Variants in CELF5 observed in about 807,000 individuals in gnomAD.
CELF5 encodes the protein CUGBP Elav-like family member 5.
In CELF5, 6 loss-of-function variants were observed where a neutral mutation model predicts 54.9. The observed-to-expected ratio is 0.11, with a 90% CI of 0.06 to 0.22. The LOEUF is 0.22. Ranked by LOEUF, CELF5 falls within the 10% of genes least tolerant of loss-of-function variation. The pLI, the probability that CELF5 is intolerant of heterozygous loss-of-function variation, is 1.00. For synonymous variants in CELF5, 271 were observed against 290.9 expected, an observed-to-expected ratio of 0.93 and a Z score of 0.70; for missense variants, 401 against 678.6, an observed-to-expected ratio of 0.59 and a Z score of 4.54.
intron 11 of CELF5, 27 bp from the exon 12 acceptor site, chr19:3,293,292 C>T: frequency 6.2e-7 from 1 of 1,613,428 alleles, no homozygotes. Context: ...CAGCGCCAAC[C>T]ACGGAGGTCC....
intron 10 of CELF5, among the ~76,000 whole-genome samples, chr19:3,287,908 G>A (rs1374719641): frequency 1.3e-5 from 2 of 152,218 alleles, no homozygotes; most frequent in East Asian, 3.8e-4. Context: ...CTTGGCCTTG[G>A]AGAAGACCTA....
chr19:3,237,806 T>C (rs553143265), intron 1 of CELF5, among the ~76,000 whole-genome samples: 1 of 152,144 alleles, frequency 6.6e-6, no homozygotes. Flanking sequence ...TCCCAGCACT[T>C]TGGGAGGCCG....
At chr19:3,225,991 G>T (rs1220496436) in intron 1 of CELF5, among the ~76,000 whole-genome samples, 5 of 152,164 alleles carry the variant, frequency 3.3e-5, no homozygotes, top group Non-Finnish European at 5.9e-5. Flanking sequence ...CCGGGTGGGG[G>T]TGTCCGGCAA....
intron 12 of CELF5, chr19:3,294,434 C>T (rs1398585729): frequency 6.6e-6 from 1 of 151,528 alleles, no homozygotes; most frequent in Non-Finnish European, 1.5e-5. Context: ...ATCACCATCG[C>T]TGTCGTCATC....
At chr19:3,272,362 C>T (rs530150962) in intron 2 of CELF5, among the ~76,000 whole-genome samples, 2 of 149,192 alleles carry the variant, frequency 1.3e-5, no homozygotes, top group African/African-American at 2.5e-5. Context: ...AGTGAGAGTC[C>T]GTCCCAAGAA....
rs751027249 is a variant in CELF5 at position 3,281,251 on chromosome 19, C to T, written c.656C>T (p.Thr219Met). 5.6e-6 allele frequency: 9 copies of T among 1,610,862 alleles called. No individual in the cohort carries two copies. The highest frequency in any genetic ancestry group is 3.3e-5 in the Admixed American group (2 of 59,990). ...TTCGCCGACACGGACAAGGAGCGGA[C>T]GCTCCGGCGCATGCAGCAGATGGTG... ...VKFADTDKER[T>M]LRRMQQMVGQ... The change falls in exon 6 of 13, where the codon ACG becomes ATG. Residue 219 changes from threonine (T) to methionine (M), a missense_variant. This residue lies in a region of CELF5 where 87 missense variants were observed against 190.2 expected (regional missense o/e 0.46). Transcript: ENST00000292672. The surrounding 1 kb of genome is among the most constrained non-coding windows in gnomAD (Gnocchi z 6.5).
chr19:3,226,465 CACACACACACAA>C (rs918735189), intron 1 of CELF5, among the ~76,000 whole-genome samples: 3 of 151,762 alleles, frequency 2.0e-5, no homozygotes, highest in African/African-American at 7.3e-5. Context: ...CACACACACA[CACACACACACAA>C]AATTGGGCCT....
chr19:3,258,886 C>T (rs1281228195), intron 2 of CELF5, among the ~76,000 whole-genome samples: 7 of 152,174 alleles, frequency 4.6e-5, no homozygotes, highest in Admixed American at 3.9e-4. Context: ...GCTGAGATTA[C>T]AGACGTGAGC....
rs1325066912 is a variant in CELF5, at chr19:3,296,975, C to T, written c.*258C>T. On this transcript the variant is annotated 3_prime_UTR_variant, in exon 13 of 13. Transcript: ENST00000292672. Reference sequence around the variant, plus strand: ...GTTACGTGTTTCAGGTGAGAAGCAGCAAAGCGTCTTAATGTTCAAAACGCC... The same window carrying T: ...GTTACGTGTTTCAGGTGAGAAGCAGTAAAGCGTCTTAATGTTCAAAACGCC... 1 of 100,680 alleles carries T rather than the reference C, an allele frequency of 9.9e-6. No individual in the cohort carries two copies. Among genetic ancestry groups the T allele is most frequent in the Non-Finnish European group, 1.8e-5 (1 of 54,238 alleles). The allele number at this position is 100,680 out of a possible 1,614,324, so 6.2% of individuals were successfully genotyped here.
intron 2 of CELF5, among the ~76,000 whole-genome samples, chr19:3,267,887 C>T (rs2079904994): frequency 6.6e-6 from 1 of 152,136 alleles, no homozygotes; most frequent in Non-Finnish European, 1.5e-5. Context: ...AGAGTGAAAC[C>T]AAACCTGAGA....
intron 4 of CELF5, among the ~76,000 whole-genome samples, chr19:3,277,345 C>A (rs918375628): frequency 2.6e-5 from 4 of 152,036 alleles, no homozygotes; most frequent in South Asian, 4.2e-4. Context: ...TGGTGGCAGG[C>A]GCCTGTAATC....
Position 3,228,602 on chromosome 19 carries a change from G to C in CELF5, c.259+3604G>C, listed in dbSNP as rs1056753598. ...TGTCTTAAAGCGGAGGTTGCGCTGG[G>C]GGACGGTGCAGGTGGGGGGGGGGCC... is the stretch of plus-strand genomic sequence containing the variant. On this transcript the variant is annotated intron_variant, in intron 1 of 12. Transcript: ENST00000292672. This position sits in a 1 kb window ranked among gnomAD's most constrained non-coding sequence, Gnocchi z 6.0. Among the ~76,000 whole-genome samples the C allele has an allele frequency of 2.6e-5, 4 of 152,080 alleles. No homozygotes were observed. Among genetic ancestry groups the C allele is most frequent in the African/African-American group, 9.7e-5 (4 of 41,400 alleles).
intron 2 of CELF5, among the ~76,000 whole-genome samples, chr19:3,270,070 C>A (rs2079935950): frequency 6.6e-6 from 1 of 152,068 alleles, no homozygotes; most frequent in Non-Finnish European, 1.5e-5. Context: ...GTGAATTTTC[C>A]ATCTTCAGTG....
At chr19:3,230,137 T>C (rs312066) in intron 1 of CELF5, among the ~76,000 whole-genome samples, 35,310 of 151,942 alleles carry the variant, frequency 0.23, 4,180 homozygotes, top group South Asian at 0.28. Flanking sequence ...CTTGAAAACC[T>C]TCTGTGGCCT....
chr19:3,251,101 C>G (rs771809749), intron 2 of CELF5, 34 bp downstream of exon 2: 19 of 1,538,342 alleles, frequency 1.2e-5, no homozygotes, highest in Non-Finnish European at 1.7e-5. Flanking sequence ...GAGGAGGGGA[C>G]AGGGGATGGC....
intron 1 of CELF5, among the ~76,000 whole-genome samples, chr19:3,229,940 G>T (rs1224727476): frequency 1.3e-5 from 2 of 152,162 alleles, no homozygotes; most frequent in East Asian, 3.9e-4. Context: ...GGGCTCACCT[G>T]TTGAGGCTCT....
At chr19:3,239,222 G>A (rs578188019) in intron 1 of CELF5, among the ~76,000 whole-genome samples, 48 of 151,186 alleles carry the variant, frequency 3.2e-4, no homozygotes, top group South Asian at 8.4e-4. Context: ...GCCTCAGCCC[G>A]TTTAGTAGCT....
In CELF5 at chr19:3,240,260, G is replaced by A. The variant is rs1002581532; in HGVS notation, c.260-10725G>A. Among the ~76,000 whole-genome samples, 51 of 151,322 alleles carry A rather than the reference G, an allele frequency of 3.4e-4. No individual in the cohort carries two copies. The East Asian group carries it at 5.9e-3, about 17-fold the overall frequency. On this transcript the variant is annotated intron_variant, in intron 1 of 12. Coordinates refer to ENST00000292672, the MANE Select transcript of CELF5 (RefSeq NM_021938.4). Reference sequence around the variant, plus strand: ...TTGAACTCCTTACCTCAAATGATCCGCCTGCCTCTGCCTCCCAAAGTGCTG... The same window carrying A: ...TTGAACTCCTTACCTCAAATGATCCACCTGCCTCTGCCTCCCAAAGTGCTG...
rs779034828 is a variant in CELF5, at chr19:3,281,297, G to A, written c.702G>A (p.Thr234=). Residue 234 remains threonine, a synonymous_variant, in exon 6 of 13, where the codon ACG becomes ACA. Transcript: ENST00000292672. This position sits in a 1 kb window ranked among gnomAD's most constrained non-coding sequence, Gnocchi z 6.5. ...TGGTGGGCCAGCTGGGCATCCTGAC[G>A]CCGTCCCTCACATTGCCCTTCAGCC... ...QQMVGQLGIL[T]PSLTLPFSPY... 10 of 1,611,604 alleles carry A rather than the reference G, an allele frequency of 6.2e-6. No homozygotes were observed. The Admixed American group carries it at 6.7e-5, about 11-fold the overall frequency.
Sources: allele counts gnomAD v4.1 joint callset (sites outside exome capture counted in the v4.1 genomes callset), GRCh38; gene constraint gnomAD v4.1.1; regional missense constraint gnomAD v4.1.1; non-coding constraint Gnocchi (gnomAD v3.1); transcripts MANE v1.5; gene names NCBI Gene and HGNC (gene_info 2026-07-23, HGNC 2026-07-21).